SOX6: variants seen among roughly 807,000 people sequenced by gnomAD.
The protein encoded by SOX6 is SRY-box transcription factor 6.
Under a neutral mutation model 97.8 loss-of-function variants are expected in SOX6, and 11 were observed. That is an observed-to-expected ratio of 0.11 (90% confidence interval 0.07 to 0.19). The LOEUF is 0.19. SOX6 is among the 10% of genes least tolerant of loss of function. SOX6 has a pLI of 1.00. For missense variants in SOX6, 810 were observed against 1,039.5 expected, an observed-to-expected ratio of 0.78 and a Z score of 3.04; for synonymous variants, 360 against 371.4, an observed-to-expected ratio of 0.97 and a Z score of 0.35.
At position 16,349,674 on chromosome 11, in the gene SOX6, GAGGAAGGA is replaced by G. The variant is rs1296857091; in HGVS notation, c.-5+6412_-5+6419del. 6.1e-3 allele frequency among the ~76,000 whole-genome samples: 410 copies of G among 66,938 alleles called. 1 individual carries two copies. The highest frequency in any genetic ancestry group is 8.7e-3 in the African/African-American group (157 of 18,044). The allele number at this position is 66,938 out of a possible 152,430, so 43.9% of individuals were successfully genotyped here. A position where few individuals can be genotyped will look rare whatever the true frequency, so the allele number is the denominator to read the frequency against. On this transcript the variant is annotated intron_variant, in intron 1 of 15. Transcript: ENST00000683767. The stretch of plus-strand genomic sequence containing the variant: ...AACAGAAGAAAGAGAGGGAGGGAGG[GAGGAAGGA>G]AGGAAGGAAGGAAGGAAGGAAGGAA...
chr11:16,205,353 C>T (rs1281416114), intron 4 of SOX6, among the ~76,000 whole-genome samples: 3 of 152,032 alleles, frequency 2.0e-5, no homozygotes, highest in African/African-American at 4.8e-5. Context: ...CAAATTTAAC[C>T]ACTGACATAT....
At chr11:16,326,289 T>A (rs1317192046) in intron 2 of SOX6, among the ~76,000 whole-genome samples, 2 of 152,092 alleles carry the variant, frequency 1.3e-5, no homozygotes, top group Non-Finnish European at 2.9e-5. Flanking sequence ...TCCAGACCCT[T>A]CATCATCCTC....
At chr11:16,132,948 C>G (rs1376292462) in intron 6 of SOX6, among the ~76,000 whole-genome samples, 2 of 151,820 alleles carry the variant, frequency 1.3e-5, no homozygotes, top group African/African-American at 4.8e-5. Flanking sequence ...TTTCATTGAA[C>G]AGTAAAAAGT....
chr11:16,497,639 A>T (rs1483684293), intron 4 of SOX6, among the ~76,000 whole-genome samples: 5 of 152,252 alleles, frequency 3.3e-5, no homozygotes, highest in African/African-American at 1.2e-4. Flanking sequence ...GACAGAGCTG[A>T]AAACCACGGC....
At chr11:16,013,515 T>G (rs2133861037) in intron 13 of SOX6, among the ~76,000 whole-genome samples, 1 of 152,124 alleles carries the variant, frequency 6.6e-6, no homozygotes, top group South Asian at 2.1e-4. Context: ...AATGGGCTGT[T>G]GATACACATT....
At chr11:16,247,195 G>A (rs954927848) in intron 3 of SOX6, among the ~76,000 whole-genome samples, 13 of 152,216 alleles carry the variant, frequency 8.5e-5, no homozygotes, top group African/African-American at 2.2e-4. Flanking sequence ...TTTTCTTAAC[G>A]TAATATCCTT....
intron 1 of SOX6, among the ~76,000 whole-genome samples, chr11:16,433,896 A>C (rs988887280): frequency 2.6e-5 from 4 of 152,054 alleles, no homozygotes; most frequent in African/African-American, 9.7e-5. Context: ...AGCAAACTAA[A>C]ATTTAACAGC....
At chr11:16,180,366 T>C (rs1470514369) in intron 6 of SOX6, among the ~76,000 whole-genome samples, 1 of 151,710 alleles carries the variant, frequency 6.6e-6, no homozygotes, top group Non-Finnish European at 1.5e-5. Context: ...CAGTTATCTT[T>C]CCTTTGAAAT....
At chr11:16,527,894 C>G (rs1404976405) in intron 4 of SOX6, among the ~76,000 whole-genome samples, 1 of 152,046 alleles carries the variant, frequency 6.6e-6, no homozygotes, top group African/African-American at 2.4e-5. Context: ...CAGCAAAGCT[C>G]CAAAACACAA....
chr11:16,589,347 T>C (rs1368569904), intron 4 of SOX6, among the ~76,000 whole-genome samples: 1 of 152,196 alleles, frequency 6.6e-6, no homozygotes, highest in Non-Finnish European at 1.5e-5. Context: ...TAAATACAGA[T>C]TGACAGATTG....
At chr11:16,737,202 T>TTATG (rs1848398144) in intron 1 of SOX6, among the ~76,000 whole-genome samples, 1 of 151,444 alleles carries the variant, frequency 6.6e-6, no homozygotes, top group Admixed American at 6.6e-5. Context: ...ATACCACTTA[T>TTATG]TATTTATTTA....
intron 4 of SOX6, among the ~76,000 whole-genome samples, chr11:16,484,926 C>A (rs1391705262): frequency 6.6e-6 from 1 of 152,128 alleles, no homozygotes; most frequent in Admixed American, 6.5e-5. Context: ...ACCTCCTAAA[C>A]CAAAATCTCC....
rs5789955 is a variant in SOX6, at chr11:16,447,453, C to CTCTG, written c.-5+28861_-5+28862insCAGA. ...TCTCTCTCCTTCGATTTCTCTCTCT[C>CTCTG]TCTTTCTTTCTTTCTTTCTTTGTCT... On this transcript the variant is annotated intron_variant, in intron 1 of 15. Transcript: ENST00000396356. 7.3e-3 allele frequency among the ~76,000 whole-genome samples: 1,107 copies of CTCTG among 150,888 alleles called. 16 individuals carry two copies. Among genetic ancestry groups the CTCTG allele is most frequent in the African/African-American group, 0.024 (991 of 41,228 alleles).
At chr11:16,411,068 A>G (rs1202776241) in intron 1 of SOX6, among the ~76,000 whole-genome samples, 1 of 151,948 alleles carries the variant, frequency 6.6e-6, no homozygotes, top group South Asian at 2.1e-4. Context: ...GGCTCTTCCT[A>G]GGAGGAATTT....
intron 4 of SOX6, among the ~76,000 whole-genome samples, chr11:16,507,549 G>A (rs1466188574): frequency 6.6e-6 from 1 of 152,094 alleles, no homozygotes; most frequent in Non-Finnish European, 1.5e-5. Flanking sequence ...GAACAACATG[G>A]TATTGATATC....
intron 6 of SOX6, among the ~76,000 whole-genome samples, chr11:16,177,600 A>G (rs1431285504): frequency 6.7e-6 from 1 of 148,900 alleles, no homozygotes; most frequent in East Asian, 2.0e-4. Context: ...TATTGCATCC[A>G]AAGGCTCTGA....
At chr11:16,173,077 G>C (rs1279415312) in intron 6 of SOX6, among the ~76,000 whole-genome samples, 1 of 151,888 alleles carries the variant, frequency 6.6e-6, no homozygotes, top group Non-Finnish European at 1.5e-5. Context: ...AGGAAAAGCT[G>C]GTTGGGAGGA....
At chr11:16,517,743 T>C (rs1860996262) in intron 4 of SOX6, among the ~76,000 whole-genome samples, 1 of 152,066 alleles carries the variant, frequency 6.6e-6, no homozygotes. Context: ...TTTAAAACAG[T>C]TCATTAAAAG....
intron 3 of SOX6, among the ~76,000 whole-genome samples, chr11:16,646,921 G>A (rs1284643984): frequency 2.0e-5 from 3 of 152,156 alleles, no homozygotes; most frequent in South Asian, 4.1e-4. Context: ...ATTGCTGGAC[G>A]AAATGGTAGT....
Sources: gnomAD v4.1 joint callset for allele counts (sites outside exome capture counted in the v4.1 genomes callset) on GRCh38, gnomAD v4.1.1 for gene constraint, MANE v1.5 for transcripts, NCBI Gene and HGNC (gene_info 2026-07-23, HGNC 2026-07-21) for gene names.